Variants in DYM observed in about 807,000 individuals in gnomAD.
DYM encodes dymeclin.
In DYM, 78 loss-of-function variants were observed where a neutral mutation model predicts 93.1. That is an observed-to-expected ratio of 0.84 (90% CI 0.70 to 1.01). The LOEUF (loss-of-function observed/expected upper bound fraction) is 1.01. DYM is among the 50% of genes least tolerant of loss of function. DYM has a pLI of 0.00. For missense variants in DYM, 789 were observed against 845.0 expected, an observed-to-expected ratio of 0.93 and a Z score of 0.82; for synonymous variants, 321 against 319.7, an observed-to-expected ratio of 1.00 and a Z score of -0.04.
intron 6 of DYM, among the ~76,000 whole-genome samples, chr18:49,356,026 A>T (rs1050598875): frequency 6.6e-6 from 1 of 152,214 alleles, no homozygotes; most frequent in Non-Finnish European, 1.5e-5. Flanking sequence ...ATGTGCATAC[A>T]TATATGACCA....
chr18:49,404,810 G>A (rs571805011), intron 2 of DYM, among the ~76,000 whole-genome samples: 1 of 152,204 alleles, frequency 6.6e-6, no homozygotes, highest in South Asian at 2.1e-4. Flanking sequence ...ACGAGGTCAG[G>A]AGTTCGAGAC....
intron 17 of DYM, among the ~76,000 whole-genome samples, chr18:49,057,531 G>A (rs573297834): frequency 1.3e-5 from 2 of 152,348 alleles, no homozygotes; most frequent in East Asian, 1.9e-4. Flanking sequence ...GGGTTTGGTA[G>A]TGGCCCAGGA....
At chr18:49,317,133 G>A (rs906824842) in intron 8 of DYM, among the ~76,000 whole-genome samples, 7 of 152,086 alleles carry the variant, frequency 4.6e-5, no homozygotes, top group Non-Finnish European at 7.4e-5. Context: ...TGCTAACAGC[G>A]GAAACTTGAA....
intron 1 of DYM, among the ~76,000 whole-genome samples, chr18:49,434,579 AG>A (rs1196433560): frequency 6.6e-6 from 1 of 152,108 alleles, no homozygotes; most frequent in Non-Finnish European, 1.5e-5. Context: ...AGGACTCTGG[AG>A]TGGGGAGGGT....
intron 1 of DYM, among the ~76,000 whole-genome samples, chr18:49,443,815 G>T (rs1016233158): frequency 1.3e-5 from 2 of 152,218 alleles, no homozygotes; most frequent in African/African-American, 4.8e-5. Flanking sequence ...AGCAAGGAAA[G>T]TATTTGCCAA....
At chr18:49,349,354 CAAA>C (rs140357354) in intron 6 of DYM, among the ~76,000 whole-genome samples, 1 of 151,702 alleles carries the variant, frequency 6.6e-6, no homozygotes, top group Non-Finnish European at 1.5e-5. Flanking sequence ...AAGTTCAACA[CAAA>C]AAAAGTTATT....
intron 13 of DYM, among the ~76,000 whole-genome samples, chr18:49,216,503 C>G (rs1299318745): frequency 6.6e-6 from 1 of 152,194 alleles, no homozygotes; most frequent in Non-Finnish European, 1.5e-5. Flanking sequence ...GAGGCACCCC[C>G]CAGTAGGGGC....
intron 7 of DYM, among the ~76,000 whole-genome samples, 168 bp from the exon 8 acceptor site, chr18:49,332,174 T>G (rs546871941): frequency 6.6e-6 from 1 of 152,206 alleles, no homozygotes; most frequent in African/African-American, 2.4e-5. Flanking sequence ...ACCATGGGCT[T>G]TGAGAGCAAT....
intron 6 of DYM, among the ~76,000 whole-genome samples, chr18:49,345,673 A>G (rs866624040): frequency 1.3e-5 from 2 of 152,210 alleles, no homozygotes; most frequent in African/African-American, 4.8e-5. Context: ...AAAAGGTAAA[A>G]CTAAATCAGC....
intron 15 of DYM, among the ~76,000 whole-genome samples, chr18:49,121,318 G>A (rs1339523951): frequency 6.6e-6 from 1 of 152,058 alleles, no homozygotes; most frequent in East Asian, 1.9e-4. Flanking sequence ...AAACTTGAAG[G>A]CAGGTTAACA....
intron 2 of DYM, among the ~76,000 whole-genome samples, chr18:49,401,069 C>G (rs149079420): frequency 1.5e-3 from 228 of 152,048 alleles, no homozygotes; most frequent in Non-Finnish European, 1.9e-3. Context: ...CAAAAGGGGG[C>G]AAAAAGGCAG....
At chr18:49,315,143 A>T (rs993566390) in intron 8 of DYM, among the ~76,000 whole-genome samples, 1 of 151,902 alleles carries the variant, frequency 6.6e-6, no homozygotes, top group Admixed American at 6.6e-5. Context: ...TAAGCCCGAG[A>T]GGCGGAGGTT....
intron 16 of DYM, among the ~76,000 whole-genome samples, chr18:49,105,403 C>T (rs1460494466): frequency 5.3e-5 from 8 of 152,130 alleles, no homozygotes; most frequent in African/African-American, 1.4e-4. Flanking sequence ...GTGTCTCTAT[C>T]TCCTTCAGTT....
At chr18:49,375,563 A>G (rs2067429312) in intron 5 of DYM, 2 of 152,186 alleles carry the variant, frequency 1.3e-5, no homozygotes, top group African/African-American at 4.8e-5. Flanking sequence ...GATGACAGCA[A>G]ATAAAACTGC....
At chr18:49,272,446 C>G in intron 10 of DYM, 143 bp from the exon 11 acceptor site, 1 of 636,086 alleles carries the variant, frequency 1.6e-6, no homozygotes, top group Non-Finnish European at 2.7e-6. Flanking sequence ...AAACCCACTT[C>G]TGACTGAATG....
intron 13 of DYM, among the ~76,000 whole-genome samples, chr18:49,219,867 C>T (rs1031687776): frequency 6.7e-6 from 1 of 148,974 alleles, no homozygotes; most frequent in African/African-American, 2.4e-5. Context: ...TGCCCTCTCT[C>T]ACCACTCCTA....
chr18:49,210,579 G>A (rs553183566), intron 13 of DYM, among the ~76,000 whole-genome samples: 1 of 152,142 alleles, frequency 6.6e-6, no homozygotes, highest in African/African-American at 2.4e-5. Context: ...AAGCATAGAG[G>A]ATTTTTAGGA....
chr18:49,080,884 G>A (rs1415055837), intron 17 of DYM, among the ~76,000 whole-genome samples: 5 of 143,480 alleles, frequency 3.5e-5, no homozygotes, highest in African/African-American at 1.1e-4. Context: ...GGGCAGAGGC[G>A]CTCCCCACAT....
intron 17 of DYM, among the ~76,000 whole-genome samples, chr18:49,067,603 C>T (rs928421454): frequency 6.6e-6 from 1 of 152,048 alleles, no homozygotes. Flanking sequence ...AGGCTGGGAG[C>T]GTGCATGCCA....
Sources: allele counts gnomAD v4.1 joint callset (sites outside exome capture counted in the v4.1 genomes callset), GRCh38; gene constraint gnomAD v4.1.1; transcripts MANE v1.5; gene names NCBI Gene and HGNC (gene_info 2026-07-23, HGNC 2026-07-21).